Variants in SUPT20H observed in about 807,000 individuals in gnomAD.
SUPT20H encodes transcription factor SPT20 homolog.
A neutral mutation model predicts 122.8 loss-of-function variants in SUPT20H; 82 were observed. The observed-to-expected ratio is 0.67, with a 90% CI of 0.56 to 0.80. The LOEUF (loss-of-function observed/expected upper bound fraction) is 0.80. Among genes scored for constraint, SUPT20H ranks in the 30% least tolerant of loss-of-function variants. SUPT20H has a pLI of 0.00. For missense variants in SUPT20H, 831 were observed against 921.6 expected, an observed-to-expected ratio of 0.90 and a Z score of 1.27; for synonymous variants, 291 against 313.0, an observed-to-expected ratio of 0.93 and a Z score of 0.74.
At chr13:37,050,001 G>C (rs773489937) in intron 2 of SUPT20H, among the ~76,000 whole-genome samples, 3 of 152,044 alleles carry the variant, frequency 2.0e-5, no homozygotes, top group Non-Finnish European at 4.4e-5. Flanking sequence ...GAGGGTAAGG[G>C]GGAAAAACAA....
chr13:37,031,570 T>C lies in SUPT20H; in HGVS notation c.918A>G (p.Val306=). ...AGTAATTCATGAACTGACTTACATC[T>C]ACTTCAGAAGGTATGGCCAAATTAC... ...SPCNLAIPSE[V]DVEKYAKVEK... The change falls in exon 12 of 26, where the codon GTA becomes GTG. Residue 306 remains valine, a synonymous_variant. Transcript: ENST00000350612. 6.4e-7 allele frequency: 1 copy of C among 1,551,736 alleles called. No individual in the cohort carries two copies.
At chr13:37,038,272 TAA>T (rs2064870363) in intron 9 of SUPT20H, 1 of 152,236 alleles carries the variant, frequency 6.6e-6, no homozygotes. Context: ...TTTTATTTTT[TAA>T]AAGTCTATCA....
rs537923388 is a variant in SUPT20H, at chr13:37,053,523, G to A, written c.-93-1940C>T. ...GAACATCACACGCTGGGGCCTGTTG[G>A]GGGGTTGGGGGAAAGGGGATGGAGA... On this transcript the variant is annotated intron_variant, in intron 1 of 25. Transcript: ENST00000350612. 1.3e-4 allele frequency among the ~76,000 whole-genome samples: 19 copies of A among 152,000 alleles called. No homozygotes were observed. In the South Asian group the frequency reaches 3.8e-3, roughly 30 times the overall value.
chr13:37,058,189 T>C (rs141856767), intron 1 of SUPT20H, among the ~76,000 whole-genome samples: 2,252 of 152,014 alleles, frequency 0.015, 57 homozygotes, highest in African/African-American at 0.051. Context: ...TGGCTTGAAC[T>C]GGGAGGCAGA....
chr13:37,053,412 C>T (rs2068178407), intron 1 of SUPT20H, among the ~76,000 whole-genome samples: 1 of 152,012 alleles, frequency 6.6e-6, no homozygotes, highest in Non-Finnish European at 1.5e-5. Context: ...CCTCAGCAAA[C>T]TAACACAGGA....
In SUPT20H at chr13:37,031,747, C is replaced by A. The variant is rs756739276; in HGVS notation, c.856G>T (p.Ala286Ser). Reference protein sequence around the residue: ...GQHYDLKISKAGNCVDMWKRS... With the variant: ...GQHYDLKISKSGNCVDMWKRS... ...AAAATATATATACTTACATTTCCTG[C>A]CTTAGAAATTTTGAGGTCATAATGC... The change falls in exon 11 of 26, where the codon GCA becomes TCA. Residue 286 changes from alanine to serine, a missense_variant. Physicochemically the swap from Ala to Ser is moderately conservative, Grantham distance 99. Transcript: ENST00000350612. The A allele has an allele frequency of 7.4e-5, 118 of 1,589,242 alleles. No individual in the cohort carries two copies. The highest frequency in any genetic ancestry group is 1.0e-4 in the Non-Finnish European group (118 of 1,172,694).
chr13:37,050,883 T>A (rs939457218), intron 2 of SUPT20H, among the ~76,000 whole-genome samples: 1 of 152,184 alleles, frequency 6.6e-6, no homozygotes, highest in African/African-American at 2.4e-5. Flanking sequence ...GTTATCTAAA[T>A]AAATAACATG....
Position 37,024,421 on chromosome 13 carries a change from G to A in SUPT20H, c.1351C>T (p.Gln451Ter), listed in dbSNP as rs776164052. Residue 451 changes from glutamine to a stop codon, truncating the protein, a stop_gained, in exon 18 of 26, where the codon CAG becomes TAG. Transcript: ENST00000350612. LOFTEE classifies it high-confidence loss of function. ...ACACCCTTCCCCAATACCGAAGACT[G>A]AACTGACACGGTTTCAGTTTGCTAA... ...ETDQTETVSV[Q>*]SSVLGKGVKH... The A allele has an allele frequency of 1.3e-6, 2 of 1,568,706 alleles. No individual in the cohort carries two copies. Among genetic ancestry groups the A allele is most frequent in the South Asian group, 1.2e-5 (1 of 81,872 alleles).
chr13:37,049,213 TTGAG>T (rs1173090024), intron 2 of SUPT20H, among the ~76,000 whole-genome samples: 11 of 152,194 alleles, frequency 7.2e-5, no homozygotes, highest in African/African-American at 1.9e-4. Flanking sequence ...TAAGATATTC[TTGAG>T]TATCAACTCA....
Position 37,009,642 on chromosome 13 carries a change from T to TC in SUPT20H, c.*29_*30insG. On this transcript the variant is annotated 3_prime_UTR_variant, in exon 26 of 26. Transcript: ENST00000350612. The stretch of plus-strand genomic sequence containing the variant: ...CTTTTGATTCAGTGCTCTTGTGTTT[T>TC]TAAAAAAGGAACAAAAAGTAATGCA... 6.2e-7 allele frequency: 1 copy of TC among 1,612,924 alleles called. No homozygotes were observed. The highest frequency in any genetic ancestry group is 8.5e-7 in the Non-Finnish European group (1 of 1,179,570).
chr13:37,059,615 A>T lies in SUPT20H; in HGVS notation c.-150T>A, dbSNP rs1482876587. The T allele has an allele frequency of 1.3e-5, 2 of 152,256 alleles. No individual in the cohort carries two copies. The highest frequency in any genetic ancestry group is 2.4e-5 in the African/African-American group (1 of 41,464). 9.4% of individuals were successfully genotyped at this position (152,256 alleles called of 1,614,324 possible). A position where few individuals can be genotyped will look rare whatever the true frequency, so the allele number is the denominator to read the frequency against. ...GACGGCGCCGCCTGCTCGGCAGCAA[A>T]GCCCACCCGCCCCGTCGGCGGCTCA... On this transcript the variant is annotated 5_prime_UTR_variant, in exon 1 of 26. Transcript: ENST00000350612.
chr13:37,027,155 G>T lies in SUPT20H; in HGVS notation c.1152-339C>A, dbSNP rs534504649. ...ATTGGGTACTATATTCACTACCTGG[G>T]TGATGGGATCAGCAGACACCCACAC... is the stretch of plus-strand genomic sequence containing the variant. On this transcript the variant is annotated intron_variant, in intron 14 of 25. Coordinates refer to ENST00000350612, the MANE Select transcript of SUPT20H (RefSeq NM_001014286.3). 2.1e-4 allele frequency among the ~76,000 whole-genome samples: 32 copies of T among 151,838 alleles called. No individual in the cohort carries two copies. The South Asian group carries it at 6.3e-3, about 30-fold the overall frequency.
At chr13:37,033,394 G>A in intron 10 of SUPT20H, 55 bp downstream of exon 10, 1 of 1,582,608 alleles carries the variant, frequency 6.3e-7, no homozygotes. Context: ...ACTATAAATA[G>A]CAAAATTTAT....
chr13:37,010,728 TAGA>T, intron 24 of SUPT20H, 73 bp from the exon 25 acceptor site: 1 of 1,041,220 alleles, frequency 9.6e-7, no homozygotes, highest in Non-Finnish European at 1.4e-6. Context: ...AAGGACAACA[TAGA>T]AAATGAAATA....
At chr13:37,017,981 T>C (rs1311946567) in intron 22 of SUPT20H, among the ~76,000 whole-genome samples, 1 of 152,186 alleles carries the variant, frequency 6.6e-6, no homozygotes, top group East Asian at 1.9e-4. Flanking sequence ...AAACAATGCT[T>C]TTCAAATGCA....
rs1432628910 is a variant in SUPT20H at position 37,009,565 on chromosome 13, A to G, written c.*107T>C. The G allele has an allele frequency of 2.4e-6, 3 of 1,271,884 alleles. No homozygotes were observed. Among genetic ancestry groups the G allele is most frequent in the Admixed American group, 3.5e-5 (2 of 56,984 alleles). 78.8% of individuals were successfully genotyped at this position (1,271,884 alleles called of 1,614,324 possible). ...GCTTCTGTATAAAGTTTGTACATCT[A>G]GCAATGTAAAATACTGACACATTAA... On this transcript the variant is annotated 3_prime_UTR_variant, in exon 26 of 26. Transcript: ENST00000350612.
At chr13:37,034,083 C>T (rs1297088335) in intron 9 of SUPT20H, among the ~76,000 whole-genome samples, 2 of 152,222 alleles carry the variant, frequency 1.3e-5, no homozygotes, top group Non-Finnish European at 2.9e-5. Flanking sequence ...CCCTATCTTT[C>T]TCCTTCTTCT....
chr13:37,015,475 C>T lies in SUPT20H; in HGVS notation c.1992+1770G>A, dbSNP rs531518709. ...TATCACCTCACACCCATTAGGAAGG[C>T]TGCTTAAAAAAAAAAAAAAAAAATT... On this transcript the variant is annotated intron_variant, in intron 23 of 25. Coordinates refer to ENST00000350612, the MANE Select transcript of SUPT20H (RefSeq NM_001014286.3). Among the ~76,000 whole-genome samples the T allele has an allele frequency of 1.6e-4, 23 of 146,424 alleles. No individual in the cohort carries two copies. In the South Asian group the frequency reaches 4.9e-3, roughly 31 times the overall value.
intron 9 of SUPT20H, chr13:37,039,495 T>C (rs2065085532): frequency 2.0e-5 from 3 of 152,204 alleles, no homozygotes; most frequent in South Asian, 2.1e-4. Flanking sequence ...CAAAGAATGA[T>C]AACGTGCTTA....
Sources: allele counts gnomAD v4.1 joint callset (sites outside exome capture counted in the v4.1 genomes callset), GRCh38; gene constraint gnomAD v4.1.1; transcripts MANE v1.5; gene names NCBI Gene and HGNC (gene_info 2026-07-23, HGNC 2026-07-21).